TENM2: variants seen among roughly 807,000 people sequenced by gnomAD.
TENM2 encodes teneurin transmembrane protein 2, also known as teneurin-2.
Under a neutral mutation model 245.2 loss-of-function variants are expected in TENM2, and 52 were observed. The observed-to-expected ratio is 0.21, with a 90% CI of 0.17 to 0.27. The LOEUF is 0.27. TENM2 is among the 10% of genes least tolerant of loss of function. TENM2 has a pLI of 1.00. For missense variants in TENM2, 3,046 were observed against 3,666.8 expected, an observed-to-expected ratio of 0.83 and a Z score of 4.37; for synonymous variants, 1,363 against 1,438.9, an observed-to-expected ratio of 0.95 and a Z score of 1.19.
chr5:167,099,265 T>C, the TENM2 span, among the ~76,000 whole-genome samples: 3 of 152,322 alleles, frequency 2.0e-5, no homozygotes, highest in Admixed American at 1.3e-4. Context: ...TGTGAAGCAG[T>C]TGGCATAGTG....
intron 2 of TENM2, among the ~76,000 whole-genome samples, chr5:167,711,875 A>C (rs1758934493): frequency 6.6e-6 from 1 of 152,172 alleles, no homozygotes; most frequent in Non-Finnish European, 1.5e-5. Context: ...CTTATTTCAG[A>C]GTAACTTATT....
chr5:168,119,867 A>G (rs1280208304), intron 10 of TENM2, among the ~76,000 whole-genome samples: 1 of 152,212 alleles, frequency 6.6e-6, no homozygotes, highest in Admixed American at 6.5e-5. Flanking sequence ...CCCATAGAAA[A>G]GATCCTGTTG....
intron 3 of TENM2, chr5:167,952,340 C>T: frequency 6.9e-6 from 4 of 581,392 alleles, no homozygotes; most frequent in South Asian, 4.3e-5. Context: ...CCTTATCCAC[C>T]TGGTTTTGCT....
At chr5:167,526,432 A>G (rs1582291674) in intron 2 of TENM2, among the ~76,000 whole-genome samples, 1 of 151,632 alleles carries the variant, frequency 6.6e-6, no homozygotes, top group Non-Finnish European at 1.5e-5. Context: ...GATTGCTAAC[A>G]GTGGGGTAAT....
chr5:168,245,478 A>G (rs1766468831), intron 26 of TENM2, among the ~76,000 whole-genome samples: 1 of 151,902 alleles, frequency 6.6e-6, no homozygotes, highest in Non-Finnish European at 1.5e-5. Flanking sequence ...CTGTTGGCTG[A>G]AACAGCCCAT....
At position 167,577,588 on chromosome 5, in the gene TENM2, A is replaced by AT. The variant is rs972672160; in HGVS notation, c.502+202124dup. 5.6e-3 allele frequency among the ~76,000 whole-genome samples: 844 copies of AT among 151,420 alleles called. 6 individuals are homozygous for AT. The highest frequency in any genetic ancestry group is 0.019 in the African/African-American group (792 of 41,334). Reference sequence around the variant, plus strand: ...TTTTATTTTTATTTGATTCAAATACATTTTTTTTTGTACTTGACCCATAGT... The same window carrying AT: ...TTTTATTTTTATTTGATTCAAATACATTTTTTTTTTGTACTTGACCCATAGT... On this transcript the variant is annotated intron_variant, in intron 2 of 28. Coordinates refer to ENST00000518659, the Ensembl canonical transcript of TENM2.
intron 2 of TENM2, among the ~76,000 whole-genome samples, chr5:167,821,439 T>A (rs888632825): frequency 3.3e-5 from 5 of 152,090 alleles, no homozygotes; most frequent in African/African-American, 9.7e-5. Context: ...GATGACAAGT[T>A]TGATTGGGAA....
intron 12 of TENM2, among the ~76,000 whole-genome samples, chr5:168,161,981 T>C (rs938066298): frequency 1.3e-5 from 2 of 152,144 alleles, no homozygotes; most frequent in Admixed American, 6.6e-5. Flanking sequence ...CTTCGAATCC[T>C]GCAGTATTTT....
At chr5:167,388,946 T>C (rs1456584821) in intron 2 of TENM2, among the ~76,000 whole-genome samples, 1 of 152,040 alleles carries the variant, frequency 6.6e-6, no homozygotes, top group Non-Finnish European at 1.5e-5. Context: ...CCTTATGTTA[T>C]CAGAGTAAGT....
the TENM2 span, among the ~76,000 whole-genome samples, chr5:167,268,742 G>C: frequency 1.4e-4 from 21 of 152,068 alleles, no homozygotes; most frequent in Non-Finnish European, 2.5e-4. Flanking sequence ...GGGTTACAAT[G>C]GTGGAGTTCA....
At chr5:167,419,007 T>C (rs1409102825) in intron 2 of TENM2, among the ~76,000 whole-genome samples, 1 of 152,162 alleles carries the variant, frequency 6.6e-6, no homozygotes, top group Admixed American at 6.6e-5. Context: ...TTGACTAAAG[T>C]ATATAACTAT....
At position 168,154,242 on chromosome 5, in the gene TENM2, T is replaced by C. The variant is rs1019335279; in HGVS notation, c.2423-8369T>C. Among the ~76,000 whole-genome samples the C allele has an allele frequency of 1.1e-4, 16 of 150,630 alleles. 1 individual carries two copies. The highest frequency in any genetic ancestry group is 2.1e-4 in the Non-Finnish European group (14 of 67,900). On this transcript the variant is annotated intron_variant, in intron 12 of 28. Transcript: ENST00000518659. ...TTCTCCTTTTTTTTGAGACAAAGTC[T>C]CGTTCTTTTGCCCAGGCTGGAGTGA...
At chr5:167,933,790 C>A (rs540039536) in intron 3 of TENM2, among the ~76,000 whole-genome samples, 4 of 152,280 alleles carry the variant, frequency 2.6e-5, no homozygotes, top group African/African-American at 9.6e-5. Context: ...TAAACCTCAG[C>A]CTCCTGATGT....
chr5:167,752,787 T>G (rs1057174090), intron 2 of TENM2, among the ~76,000 whole-genome samples: 4 of 152,186 alleles, frequency 2.6e-5, no homozygotes, highest in African/African-American at 9.7e-5. Flanking sequence ...CCCCCAGATG[T>G]TCTGCAAACT....
chr5:167,267,099 G>A, the TENM2 span, among the ~76,000 whole-genome samples: 6 of 152,162 alleles, frequency 3.9e-5, no homozygotes, highest in African/African-American at 1.2e-4. Context: ...AGAATGGCAT[G>A]TTATCGTGCT....
rs151130673 is a variant in TENM2, at chr5:168,097,683, C to T, written c.1712-343C>T. ...GCCAGGCTAGTCTCAGACTCCTGAC[C>T]TCATGTGATCCACTTGCCTCAGCCT... is the stretch of plus-strand genomic sequence containing the variant. On this transcript the variant is annotated intron_variant, in intron 8 of 28. Coordinates refer to ENST00000518659, the Ensembl canonical transcript of TENM2. Among the ~76,000 whole-genome samples, 1,341 of 152,078 alleles carry T rather than the reference C, an allele frequency of 8.8e-3. 19 individuals carry two copies. Among genetic ancestry groups the T allele is most frequent in the African/African-American group, 0.031 (1,273 of 41,474 alleles).
At position 167,356,892 on chromosome 5, in the gene TENM2, T is replaced by C. The variant is rs573487748; in HGVS notation, c.227-18306T>C. Among the ~76,000 whole-genome samples the C allele has an allele frequency of 2.0e-5, 3 of 152,200 alleles. No homozygotes were observed. In the East Asian group the frequency reaches 5.8e-4, roughly 29 times the overall value. On this transcript the variant is annotated intron_variant, in intron 1 of 28. Transcript: ENST00000518659. The stretch of plus-strand genomic sequence containing the variant: ...TCCACTGCCTTAATATGAAAGCAAA[T>C]GTATTGCTTTTGTATATTAAAACAT...
intron 2 of TENM2, among the ~76,000 whole-genome samples, chr5:167,577,664 G>T (rs1774799295): frequency 6.6e-6 from 1 of 152,014 alleles, no homozygotes; most frequent in Middle Eastern, 3.4e-3. Context: ...CAACTTGGTG[G>T]GAGATTCTAC....
Position 167,733,972 on chromosome 5 carries a change from G to T in TENM2, c.503-142014G>T, listed in dbSNP as rs144877542. Among the ~76,000 whole-genome samples the T allele has an allele frequency of 3.3e-5, 5 of 152,302 alleles. No homozygotes were observed. In the East Asian group the frequency reaches 9.6e-4, roughly 29 times the overall value. On this transcript the variant is annotated intron_variant, in intron 2 of 28. Coordinates refer to ENST00000518659, the Ensembl canonical transcript of TENM2. ...ACTTACCCAAGGTCACGTCTCATACGTACTAAGGAGTGTAGTGAGATCTTG... is the reference window on the plus strand; with the variant it reads ...ACTTACCCAAGGTCACGTCTCATACTTACTAAGGAGTGTAGTGAGATCTTG...
Sources: allele counts gnomAD v4.1 joint callset (sites outside exome capture counted in the v4.1 genomes callset), GRCh38; gene constraint gnomAD v4.1.1; transcripts MANE v1.5; gene names NCBI Gene and HGNC (gene_info 2026-07-23, HGNC 2026-07-21).